Variants in KATNAL1 observed in about 807,000 individuals in gnomAD.
KATNAL1 encodes katanin catalytic subunit A1 like 1.
In KATNAL1, 32 loss-of-function variants were observed where a neutral mutation model predicts 55.2. That is an observed-to-expected ratio of 0.58 (90% CI 0.44 to 0.78). The LOEUF (loss-of-function observed/expected upper bound fraction) is 0.78, where lower values mean the gene tolerates loss of function less well. Among genes scored for constraint, KATNAL1 ranks in the 30% least tolerant of loss-of-function variants. The pLI is 0.00. For missense variants in KATNAL1, 466 were observed against 600.9 expected, an observed-to-expected ratio of 0.78 and a Z score of 2.35; for synonymous variants, 193 against 193.6, an observed-to-expected ratio of 1.00 and a Z score of 0.02.
chr13:30,303,705 T>TTGAGCTC (rs1883003906), intron 1 of KATNAL1, among the ~76,000 whole-genome samples: 2 of 152,366 alleles, frequency 1.3e-5, no homozygotes, highest in East Asian at 3.9e-4. Context: ...TTTAGAGCCA[T>TTGAGCTC]TGAGCTCTCA....
At chr13:30,264,711 A>C (rs1233319651) in intron 3 of KATNAL1, among the ~76,000 whole-genome samples, 5 of 123,928 alleles carry the variant, frequency 4.0e-5, no homozygotes, top group Non-Finnish European at 8.7e-5. Context: ...ATCATTAAAA[A>C]GTCAGGAAAC....
intron 3 of KATNAL1, among the ~76,000 whole-genome samples, chr13:30,277,338 T>C (rs746192906): frequency 4.6e-5 from 7 of 152,190 alleles, no homozygotes; most frequent in African/African-American, 7.2e-5. Flanking sequence ...TTCCATGAAG[T>C]AGAGATCCCC....
chr13:30,242,871 AAAAT>A (rs1487622535), intron 4 of KATNAL1, among the ~76,000 whole-genome samples: 8 of 152,212 alleles, frequency 5.3e-5, no homozygotes, highest in African/African-American at 1.9e-4. Flanking sequence ...TAGGAAAACT[AAAAT>A]TAATTTGGTT....
In KATNAL1 at chr13:30,262,667, A is replaced by G. The variant is rs1364047707; in HGVS notation, c.324-7052T>C. ...ACATACACCCTCCCAAGACTAAACC[A>G]GGAAGAAGTTGAATCTCTGAATAGA... On this transcript the variant is annotated intron_variant, in intron 3 of 10. Transcript: ENST00000380615. 7.0e-4 allele frequency among the ~76,000 whole-genome samples: 107 copies of G among 152,128 alleles called. 1 individual carries two copies. The highest frequency in any genetic ancestry group is 1.6e-3 in the Admixed American group (24 of 15,278).
At chr13:30,297,977 A>G (rs944849006) in intron 1 of KATNAL1, among the ~76,000 whole-genome samples, 1 of 152,218 alleles carries the variant, frequency 6.6e-6, no homozygotes, top group Admixed American at 6.5e-5. Flanking sequence ...CAATATACCC[A>G]TGTAACAAAC....
intron 6 of KATNAL1, among the ~76,000 whole-genome samples, chr13:30,238,941 A>T (rs1490023748): frequency 6.6e-6 from 1 of 152,210 alleles, no homozygotes; most frequent in Non-Finnish European, 1.5e-5. Flanking sequence ...CTAAAGGTCT[A>T]TTATGGTTGT....
chr13:30,234,413 G>T (rs984512340), intron 6 of KATNAL1, among the ~76,000 whole-genome samples: 7 of 152,194 alleles, frequency 4.6e-5, no homozygotes, highest in African/African-American at 1.7e-4. Context: ...TCACTCTTCA[G>T]TTGCACCTCC....
chr13:30,290,245 A>T (rs959391679), intron 1 of KATNAL1, among the ~76,000 whole-genome samples: 3 of 152,166 alleles, frequency 2.0e-5, no homozygotes, highest in Non-Finnish European at 4.4e-5. Flanking sequence ...ACAAGAGAAA[A>T]TTTCAATGTA....
chr13:30,289,432 C>G (rs1881996505), intron 1 of KATNAL1, among the ~76,000 whole-genome samples: 1 of 152,174 alleles, frequency 6.6e-6, no homozygotes, highest in African/African-American at 2.4e-5. Context: ...AACAAATGAG[C>G]CACTTGGAAG....
intron 6 of KATNAL1, among the ~76,000 whole-genome samples, chr13:30,231,939 A>T (rs1210085382): frequency 1.3e-5 from 2 of 152,230 alleles, no homozygotes; most frequent in Non-Finnish European, 2.9e-5. Flanking sequence ...AGTAAAAAAT[A>T]AAGACCCATT....
chr13:30,214,825 A>T (rs1874050842), intron 9 of KATNAL1, among the ~76,000 whole-genome samples: 1 of 151,620 alleles, frequency 6.6e-6, no homozygotes, highest in Non-Finnish European at 1.5e-5. Context: ...AAACCCTAGA[A>T]GAAAACCTAG....
chr13:30,263,246 A>G (rs1168321461), intron 3 of KATNAL1, among the ~76,000 whole-genome samples: 1 of 152,198 alleles, frequency 6.6e-6, no homozygotes, highest in Non-Finnish European at 1.5e-5. Context: ...ATTCATGACA[A>G]ACTCACAGCC....
At chr13:30,267,828 G>T (rs578227164) in intron 3 of KATNAL1, among the ~76,000 whole-genome samples, 155 of 152,308 alleles carry the variant, frequency 1.0e-3, no homozygotes, top group African/African-American at 3.7e-3. Flanking sequence ...CAGTCCTTCA[G>T]TGTTTTGGGC....
At chr13:30,284,796 C>A (rs1450881578) in intron 1 of KATNAL1, among the ~76,000 whole-genome samples, 1 of 152,204 alleles carries the variant, frequency 6.6e-6, no homozygotes, top group Non-Finnish European at 1.5e-5. Flanking sequence ...GCTCTCCAGT[C>A]CAGTAATTCT....
intron 9 of KATNAL1, among the ~76,000 whole-genome samples, chr13:30,224,573 C>T (rs1875249240): frequency 6.7e-6 from 1 of 148,796 alleles, no homozygotes; most frequent in Non-Finnish European, 1.5e-5. Context: ...GTTCCTAAAA[C>T]CAATAACCTT....
chr13:30,248,359 T>C (rs1441057749), intron 4 of KATNAL1, among the ~76,000 whole-genome samples: 1 of 152,130 alleles, frequency 6.6e-6, no homozygotes, highest in Non-Finnish European at 1.5e-5. Context: ...GTTATTTAGA[T>C]ATAAAAACTA....
chr13:30,282,509 G>A (rs1051970468), intron 2 of KATNAL1, among the ~76,000 whole-genome samples: 31 of 152,046 alleles, frequency 2.0e-4, no homozygotes, highest in Middle Eastern at 3.4e-3. Flanking sequence ...ATGGTGGTGT[G>A]AACCTGTCCC....
intron 9 of KATNAL1, among the ~76,000 whole-genome samples, chr13:30,224,799 T>G (rs1218396690): frequency 6.6e-6 from 1 of 152,182 alleles, no homozygotes; most frequent in Non-Finnish European, 1.5e-5. Flanking sequence ...GAGCCATCAC[T>G]ACAGATCCTA....
intron 6 of KATNAL1, among the ~76,000 whole-genome samples, chr13:30,231,968 A>T (rs1220971667): frequency 6.6e-6 from 1 of 152,226 alleles, no homozygotes; most frequent in Non-Finnish European, 1.5e-5. Flanking sequence ...AATAAGGTTA[A>T]CAGTAAAAAA....
Sources: allele counts gnomAD v4.1 joint callset (sites outside exome capture counted in the v4.1 genomes callset), GRCh38; gene constraint gnomAD v4.1.1; transcripts MANE v1.5; gene names NCBI Gene and HGNC (gene_info 2026-07-23, HGNC 2026-07-21).